Variants in PPP6R3 observed in about 807,000 individuals in gnomAD.
The protein encoded by PPP6R3 is serine/threonine-protein phosphatase 6 regulatory subunit 3.
Under a neutral mutation model 110.7 loss-of-function variants are expected in PPP6R3, and 38 were observed. The ratio of observed to expected loss-of-function variants is 0.34; its 90% CI spans 0.26 to 0.45. The LOEUF (loss-of-function observed/expected upper bound fraction) is 0.45. Ranked by LOEUF, PPP6R3 falls within the 20% of genes least tolerant of loss-of-function variation. The probability of loss-of-function intolerance (pLI) is 1.00; values close to 1 mark genes in which losing one functional copy is unlikely to be tolerated. For synonymous variants in PPP6R3, 369 were observed against 373.5 expected (o/e 0.99, Z 0.14); for missense variants, 870 against 1,062.4 (o/e 0.82, Z 2.52).
At chr11:68,561,064 C>CT (rs992023647) in intron 8 of PPP6R3, among the ~76,000 whole-genome samples, 14 of 151,778 alleles carry the variant, frequency 9.2e-5, no homozygotes, top group African/African-American at 3.4e-4. Flanking sequence ...GCCCAGCTAA[C>CT]TTTTTTTGTA....
At chr11:68,465,365 GTTC>G (rs1046758258) in intron 1 of PPP6R3, among the ~76,000 whole-genome samples, 5 of 152,172 alleles carry the variant, frequency 3.3e-5, no homozygotes, top group African/African-American at 1.2e-4. Context: ...GCAGAGAAGT[GTTC>G]TTTTCTCCTG....
At chr11:68,508,814 GTT>G (rs2099092732) in intron 1 of PPP6R3, among the ~76,000 whole-genome samples, 2 of 151,760 alleles carry the variant, frequency 1.3e-5, no homozygotes, top group Non-Finnish European at 2.9e-5. Flanking sequence ...GTGTGACAGG[GTT>G]AGGTTGTGTG....
At chr11:68,511,360 C>T (rs961615664) in intron 1 of PPP6R3, among the ~76,000 whole-genome samples, 12 of 152,066 alleles carry the variant, frequency 7.9e-5, no homozygotes, top group African/African-American at 1.9e-4. Context: ...CCACCGCGCC[C>T]GGCCCATGTA....
intron 1 of PPP6R3, among the ~76,000 whole-genome samples, chr11:68,501,518 G>A (rs752511812): frequency 7.9e-5 from 12 of 152,114 alleles, no homozygotes; most frequent in Non-Finnish European, 1.3e-4. Context: ...GTAGAGATGG[G>A]GTTTCACCAT....
At chr11:68,463,594 T>C (rs1330610648) in intron 1 of PPP6R3, among the ~76,000 whole-genome samples, 1 of 152,136 alleles carries the variant, frequency 6.6e-6, no homozygotes, top group East Asian at 1.9e-4. Context: ...TAAATGATAG[T>C]GAAAATAAAG....
intron 3 of PPP6R3, among the ~76,000 whole-genome samples, chr11:68,544,087 G>C (rs1592858339): frequency 6.6e-6 from 1 of 152,160 alleles, no homozygotes; most frequent in Admixed American, 6.5e-5. Context: ...CTGATGTGGA[G>C]AGCACTAGTT....
intron 3 of PPP6R3, among the ~76,000 whole-genome samples, chr11:68,538,579 A>G (rs1408355810): frequency 6.6e-6 from 1 of 152,238 alleles, no homozygotes; most frequent in East Asian, 1.9e-4. Flanking sequence ...CATAAACTTA[A>G]TGGAACAGGA....
intron 1 of PPP6R3, among the ~76,000 whole-genome samples, chr11:68,503,396 G>T (rs2099058544): frequency 6.6e-6 from 1 of 152,232 alleles, no homozygotes; most frequent in Non-Finnish European, 1.5e-5. Context: ...ACTCAGGGAA[G>T]TGTGCTAGGT....
chr11:68,565,687 G>T (rs768060623), intron 9 of PPP6R3, among the ~76,000 whole-genome samples: 4 of 151,948 alleles, frequency 2.6e-5, no homozygotes, highest in African/African-American at 4.8e-5. Flanking sequence ...TCTGGGCCCC[G>T]ATTCAAAAGT....
At chr11:68,482,409 CA>C (rs145649371) in intron 1 of PPP6R3, among the ~76,000 whole-genome samples, 3,409 of 67,566 alleles carry the variant, frequency 0.05, 45 homozygotes, top group African/African-American at 0.093. Context: ...GTGAGACTGC[CA>C]AAAAAAAAAA....
intron 1 of PPP6R3, among the ~76,000 whole-genome samples, chr11:68,484,377 T>C (rs1182197030): frequency 6.6e-6 from 1 of 152,156 alleles, no homozygotes; most frequent in African/African-American, 2.4e-5. Flanking sequence ...TGTTTGGTGA[T>C]GTGTCTTGAG....
rs143008016 is a variant in PPP6R3 at position 68,546,837 on chromosome 11, G to A, written c.415-1230G>A. ...CACTAGCTGGGATTTATTCCTTTGG[G>A]CTCCAGGTTTGGTGTTTCTGGCACT... is the stretch of plus-strand genomic sequence containing the variant. On this transcript the variant is annotated intron_variant, in intron 4 of 23. Transcript: ENST00000393800. Among the ~76,000 whole-genome samples, 580 of 152,258 alleles carry A rather than the reference G, an allele frequency of 3.8e-3. 4 individuals carry two copies. Among genetic ancestry groups the A allele is most frequent in the Non-Finnish European group, 5.9e-3 (403 of 68,016 alleles).
chr11:68,545,129 G>C (rs1415087997), intron 4 of PPP6R3, 105 bp downstream of exon 4: 1 of 813,952 alleles, frequency 1.2e-6, no homozygotes, highest in African/African-American at 1.7e-5. Context: ...TTAAGTTCAG[G>C]TTGTATAAGA....
intron 8 of PPP6R3, among the ~76,000 whole-genome samples, chr11:68,562,980 T>C (rs2099430592): frequency 6.6e-6 from 1 of 151,872 alleles, no homozygotes; most frequent in Non-Finnish European, 1.5e-5. Flanking sequence ...AAAATATTGA[T>C]AACGTGTGAG....
At chr11:68,506,693 A>C (rs557855680) in intron 1 of PPP6R3, among the ~76,000 whole-genome samples, 1 of 152,108 alleles carries the variant, frequency 6.6e-6, no homozygotes, top group Non-Finnish European at 1.5e-5. Flanking sequence ...TTTTCCTCCT[A>C]ATTAAGGCTT....
chr11:68,463,355 G>GAAAA (rs1156285158), intron 1 of PPP6R3, among the ~76,000 whole-genome samples: 838 of 54,048 alleles, frequency 0.016, 29 homozygotes, highest in Non-Finnish European at 0.018. Context: ...CTCAGTCTCA[G>GAAAA]AAAAAAAAAA....
At chr11:68,518,525 A>G (rs1261644834) in intron 1 of PPP6R3, among the ~76,000 whole-genome samples, 1 of 152,250 alleles carries the variant, frequency 6.6e-6, no homozygotes, top group Non-Finnish European at 1.5e-5. Flanking sequence ...TGTTTTGTCT[A>G]AGGACTCCAG....
chr11:68,580,911 A>G (rs937596215), intron 14 of PPP6R3, among the ~76,000 whole-genome samples: 1 of 151,800 alleles, frequency 6.6e-6, no homozygotes, highest in African/African-American at 2.4e-5. Flanking sequence ...AGCTGGGACT[A>G]CAGGCACCCG....
chr11:68,489,473 T>C (rs1401812672), intron 1 of PPP6R3, among the ~76,000 whole-genome samples: 1 of 152,104 alleles, frequency 6.6e-6, no homozygotes, highest in Non-Finnish European at 1.5e-5. Flanking sequence ...CAAATAACAC[T>C]ACAGAGGTAG....
Sources: allele counts gnomAD v4.1 joint callset (sites outside exome capture counted in the v4.1 genomes callset), GRCh38; gene constraint gnomAD v4.1.1; transcripts MANE v1.5; gene names NCBI Gene and HGNC (gene_info 2026-07-23, HGNC 2026-07-21).